The following EDRF1 variants were observed in gnomAD, a reference collection of about 807,000 sequenced individuals.
EDRF1 encodes erythroid differentiation-related factor 1.
In EDRF1, 69 loss-of-function variants were observed where a neutral mutation model predicts 148.7. That is an observed-to-expected ratio of 0.46 (90% confidence interval 0.38 to 0.57). The LOEUF (loss-of-function observed/expected upper bound fraction) is 0.57, where lower values mean the gene tolerates loss of function less well. Ranked by LOEUF, EDRF1 falls within the 20% of genes least tolerant of loss-of-function variation. EDRF1 has a pLI of 0.00. For missense variants in EDRF1, 1,118 were observed against 1,478.7 expected (o/e 0.76, Z 4.00); for synonymous variants, 515 against 532.8 (o/e 0.97, Z 0.46).
Position 125,729,480 on chromosome 10 carries a change from G to C in EDRF1, c.1016+1G>C. On this transcript the variant is annotated splice_donor_variant, in intron 8 of 24. Coordinates refer to ENST00000356792, the MANE Select transcript of EDRF1 (RefSeq NM_001202438.2). LOFTEE classifies it high-confidence loss of function. ...ACCCAGCAGTCAGCTTACGTCTCAG[G>C]TGAACTAACATCATACCCCTCCTCA... The C allele has an allele frequency of 6.2e-7, 1 of 1,614,144 alleles. No individual in the cohort carries two copies. The highest frequency in any genetic ancestry group is 8.5e-7 in the Non-Finnish European group (1 of 1,180,022).
chr10:125,758,453 A>ATT (rs367669832), intron 24 of EDRF1, among the ~76,000 whole-genome samples: 9 of 149,334 alleles, frequency 6.0e-5, no homozygotes, highest in African/African-American at 2.2e-4. Context: ...CAAGAGAAAT[A>ATT]TTTTTTTTTT....
chr10:125,732,456 A>G (rs951035007), intron 9 of EDRF1, among the ~76,000 whole-genome samples: 1 of 152,324 alleles, frequency 6.6e-6, no homozygotes, highest in East Asian at 1.9e-4. Flanking sequence ...AGTTGCAGCC[A>G]TTAGAGAAAT....
chr10:125,748,711 C>CT lies in EDRF1; in HGVS notation c.3124-692dup, dbSNP rs1259958399. 124 of 153,640 alleles carry CT rather than the reference C, an allele frequency of 8.1e-4. 1 individual carries two copies. Among genetic ancestry groups the CT allele is most frequent in the African/African-American group, 2.5e-3 (104 of 41,130 alleles). 9.5% of individuals were successfully genotyped at this position (153,640 alleles called of 1,614,324 possible). On this transcript the variant is annotated intron_variant, in intron 21 of 24. Transcript: ENST00000356792. Reference sequence around the variant, plus strand: ...AGCTTAAACTGGAGAAGTTCTTTTTCTTTTTTTTTGAGACAGGGTCTCACT... The same window carrying CT: ...AGCTTAAACTGGAGAAGTTCTTTTTCTTTTTTTTTTGAGACAGGGTCTCACT...
At chr10:125,740,923 C>T (rs1190006620) in intron 16 of EDRF1, 78 bp from the exon 17 acceptor site, 1 of 1,438,680 alleles carries the variant, frequency 7.0e-7, no homozygotes, top group South Asian at 1.1e-5. Context: ...GCTGGTAACA[C>T]AGTTTCTTCA....
chr10:125,745,624 C>G, intron 18 of EDRF1, 83 bp from the exon 19 acceptor site: 1 of 1,426,218 alleles, frequency 7.0e-7, no homozygotes, highest in Non-Finnish European at 9.8e-7. Context: ...CACTGCCATC[C>G]TCCTCTTATC....
In EDRF1 at chr10:125,735,775, C is replaced by T. The variant is rs1184793478; in HGVS notation, c.1629C>T (p.Pro543=). ...ESYSEEEEEM[P]DSDENGSYST... ...ATAGTGAAGAGGAGGAAGAGATGCC[C>T]GACAGTGATGAAAATGGATCCTATA... Residue 543 remains proline, a synonymous_variant, in exon 13 of 25, where the codon CCC becomes CCT. Coordinates refer to ENST00000356792, the MANE Select transcript of EDRF1 (RefSeq NM_001202438.2). 19 of 1,613,488 alleles carry T rather than the reference C, an allele frequency of 1.2e-5. 1 individual carries two copies. The highest frequency in any genetic ancestry group is 4.5e-5 in the East Asian group (2 of 44,864).
chr10:125,726,780 T>C (rs1373014520), intron 6 of EDRF1, among the ~76,000 whole-genome samples: 1 of 152,218 alleles, frequency 6.6e-6, no homozygotes, highest in Non-Finnish European at 1.5e-5. Flanking sequence ...AGGAAGTAAT[T>C]AATATGCAAG....
At chr10:125,736,409 A>C (rs1040673323) in intron 13 of EDRF1, among the ~76,000 whole-genome samples, 5 of 152,064 alleles carry the variant, frequency 3.3e-5, no homozygotes, top group Non-Finnish European at 7.4e-5. Context: ...GGCCAGACAG[A>C]TTTCTCCCTG....
intron 17 of EDRF1, chr10:125,742,461 T>TG: frequency 3.9e-6 from 4 of 1,038,778 alleles, no homozygotes; most frequent in Non-Finnish European, 4.6e-6. Flanking sequence ...AGGAGTATAC[T>TG]GGGGGAGAGG....
intron 18 of EDRF1, chr10:125,745,357 T>A: frequency 3.6e-6 from 1 of 277,442 alleles, no homozygotes; most frequent in Non-Finnish European, 6.9e-6. Context: ...GCCTTCTCTC[T>A]GTGCATAGCC....
At chr10:125,749,247 CAAA>C (rs372652076) in intron 21 of EDRF1, 162 bp from the exon 22 acceptor site, 208 of 634,878 alleles carry the variant, frequency 3.3e-4, no homozygotes, top group Middle Eastern at 3.9e-4. Flanking sequence ...GACCCTGTCT[CAAA>C]AAAAAAAAAA....
Position 125,735,806 on chromosome 10 carries a change from A to G in EDRF1, c.1660A>G (p.Ser554Gly). 6.2e-7 allele frequency: 1 copy of G among 1,613,756 alleles called. No individual in the cohort carries two copies. The highest frequency in any genetic ancestry group is 8.5e-7 in the Non-Finnish European group (1 of 1,179,688). Residue 554 changes from serine (S) to glycine (G), a missense_variant, in exon 13 of 25, where the codon AGC becomes GGC. Transcript: ENST00000356792. Reference sequence around the variant, plus strand: ...TGATGAAAATGGATCCTATAGCACCAGCTCTGATCCATCAGATGATAGCAA... The same window carrying G: ...TGATGAAAATGGATCCTATAGCACCGGCTCTGATCCATCAGATGATAGCAA... Reference protein sequence around the residue: ...DSDENGSYSTSSDPSDDSKAV... With the variant: ...DSDENGSYSTGSDPSDDSKAV...
intron 22 of EDRF1, chr10:125,752,200 C>CT (rs1255443302): frequency 6.5e-6 from 1 of 153,706 alleles, no homozygotes; most frequent in African/African-American, 2.4e-5. Context: ...ATTTCAAGGA[C>CT]TTAGTGGTTA....
intron 6 of EDRF1, among the ~76,000 whole-genome samples, chr10:125,727,139 A>G (rs559805926): frequency 1.3e-5 from 2 of 152,294 alleles, no homozygotes; most frequent in South Asian, 4.1e-4. Flanking sequence ...CTCTCAGGCT[A>G]GGGCTTAAAC....
Position 125,763,321 on chromosome 10 carries a change from C to T in EDRF1, c.3566C>T (p.Thr1189Ile). 1 of 1,613,200 alleles carries T rather than the reference C, an allele frequency of 6.2e-7. No individual in the cohort carries two copies. The highest frequency in any genetic ancestry group is 8.5e-7 in the Non-Finnish European group (1 of 1,179,972). Residue 1189 changes from threonine (T) to isoleucine (I), a missense_variant, in exon 25 of 25, where the codon ACA (threonine) becomes ATA (isoleucine). Coordinates refer to ENST00000356792, the MANE Select transcript of EDRF1 (RefSeq NM_001202438.2). This position sits in a 1 kb window ranked among gnomAD's most constrained non-coding sequence, Gnocchi z 4.3. ...KKTSNNIEDD[T>I]ILKTNKHIYS... ...CCTAGCAATAACATCGAAGATGACA[C>T]AATTCTCAAAACCAACAAGCACATT...
In EDRF1 at chr10:125,741,044, G is replaced by A. The variant is rs200440844; in HGVS notation, c.2214G>A (p.Leu738=). Residue 738 remains leucine (L), a synonymous_variant, in exon 17 of 25, where the codon CTG becomes CTA. Transcript: ENST00000356792. ...GCACCAATATGCTTTCCGAAGTGCT[G>A]TTGTTTCTCTCTCAATATTTGACAC... ...CLCTNMLSEV[L]LFLSQYLTLC... is the part of the protein sequence containing the mutation. The A allele has an allele frequency of 3.9e-5, 63 of 1,613,932 alleles. No homozygotes were observed. The highest frequency in any genetic ancestry group is 5.3e-5 in the Non-Finnish European group (62 of 1,180,036).
chr10:125,727,851 T>C (rs995473779), intron 6 of EDRF1, among the ~76,000 whole-genome samples: 3 of 152,074 alleles, frequency 2.0e-5, no homozygotes, highest in Admixed American at 6.5e-5. Flanking sequence ...GATTGGAAAA[T>C]TGAGTGGTAG....
At chr10:125,736,253 G>A (rs1848724249) in intron 13 of EDRF1, among the ~76,000 whole-genome samples, 2 of 152,120 alleles carry the variant, frequency 1.3e-5, no homozygotes, top group African/African-American at 4.8e-5. Flanking sequence ...AGATTGCTTG[G>A]TGAACATAGA....
chr10:125,735,983 T>TA (rs1210387770), intron 13 of EDRF1, 79 bp downstream of exon 13: 1 of 1,278,316 alleles, frequency 7.8e-7, no homozygotes, highest in Non-Finnish European at 1.1e-6. Flanking sequence ...TTTCAAAAGA[T>TA]ACCATTACTT....
Sources: allele counts gnomAD v4.1 joint callset (sites outside exome capture counted in the v4.1 genomes callset), GRCh38; gene constraint gnomAD v4.1.1; non-coding constraint Gnocchi (gnomAD v3.1); transcripts MANE v1.5; gene names NCBI Gene and HGNC (gene_info 2026-07-23, HGNC 2026-07-21).